ULK4: variants seen among roughly 807,000 people sequenced by gnomAD.
ULK4 encodes unc-51 like kinase 4, also known as inactive serine/threonine-protein kinase ULK4.
Under a neutral mutation model 160.6 loss-of-function variants are expected in ULK4, and 133 were observed. The observed-to-expected ratio is 0.83, with a 90% CI of 0.72 to 0.96. The LOEUF is 0.96. Among genes scored for constraint, ULK4 ranks in the 40% least tolerant of loss-of-function variants. The pLI is 0.00. For missense variants in ULK4, 1,580 were observed against 1,499.5 expected (o/e 1.05, Z -0.89); for synonymous variants, 534 against 539.8 (o/e 0.99, Z 0.15).
At chr3:41,341,775 AT>A (rs2080690941) in intron 35 of ULK4, among the ~76,000 whole-genome samples, 1 of 152,198 alleles carries the variant, frequency 6.6e-6, no homozygotes, top group African/African-American at 2.4e-5. Context: ...CGGAGACCCC[AT>A]TCCTACAGCT....
chr3:41,432,463 G>A (rs191198305), intron 34 of ULK4, among the ~76,000 whole-genome samples: 1 of 152,282 alleles, frequency 6.6e-6, no homozygotes, highest in East Asian at 1.9e-4. Flanking sequence ...AGGCTCTTCT[G>A]TGTAATCCTT....
At chr3:41,817,677 T>C (rs1417303206) in intron 19 of ULK4, among the ~76,000 whole-genome samples, 1 of 152,032 alleles carries the variant, frequency 6.6e-6, no homozygotes, top group African/African-American at 2.4e-5. Context: ...GATACTATGC[T>C]CACTACCTGG....
At chr3:41,500,359 A>G (rs893764626) in intron 32 of ULK4, among the ~76,000 whole-genome samples, 2 of 151,660 alleles carry the variant, frequency 1.3e-5, no homozygotes, top group African/African-American at 2.4e-5. Context: ...AAAACTATCA[A>G]TGTCAGGATC....
chr3:41,291,511 G>T (rs2079565783), intron 35 of ULK4, among the ~76,000 whole-genome samples: 1 of 151,384 alleles, frequency 6.6e-6, no homozygotes, highest in Non-Finnish European at 1.5e-5. Flanking sequence ...AGAAAGAAAG[G>T]AAAGAGGGAG....
chr3:41,374,689 T>C (rs9832122), intron 35 of ULK4, among the ~76,000 whole-genome samples: 1 of 152,012 alleles, frequency 6.6e-6, no homozygotes, highest in African/African-American at 2.4e-5. Context: ...TTACACTGTA[T>C]GGACAAAAGC....
intron 32 of ULK4, among the ~76,000 whole-genome samples, chr3:41,515,645 G>A (rs1197582500): frequency 6.6e-6 from 1 of 152,180 alleles, no homozygotes; most frequent in African/African-American, 2.4e-5. Context: ...GAGACGGAGT[G>A]CCAGTAGGGG....
chr3:41,898,084 C>A (rs114230430), intron 14 of ULK4, among the ~76,000 whole-genome samples: 366 of 152,210 alleles, frequency 2.4e-3, no homozygotes, highest in African/African-American at 7.9e-3. Flanking sequence ...ATTGTTGTCC[C>A]CAACCCTGTG....
At chr3:41,636,009 C>A (rs991738334) in intron 30 of ULK4, among the ~76,000 whole-genome samples, 1 of 152,118 alleles carries the variant, frequency 6.6e-6, no homozygotes, top group African/African-American at 2.4e-5. Context: ...TTTTGTACTC[C>A]TAGACATAGA....
chr3:41,316,441 G>A (rs903597038), intron 35 of ULK4, among the ~76,000 whole-genome samples: 1 of 152,136 alleles, frequency 6.6e-6, no homozygotes, highest in Non-Finnish European at 1.5e-5. Flanking sequence ...TAAAAATGGA[G>A]CACAAAATCA....
intron 30 of ULK4, among the ~76,000 whole-genome samples, chr3:41,634,793 C>G (rs2033884737): frequency 6.6e-6 from 1 of 152,194 alleles, no homozygotes; most frequent in Admixed American, 6.5e-5. Context: ...AACATAAAAT[C>G]ACAAGAACTC....
chr3:41,706,101 C>T (rs1431585487), intron 25 of ULK4, among the ~76,000 whole-genome samples: 1 of 151,978 alleles, frequency 6.6e-6, no homozygotes, highest in Non-Finnish European at 1.5e-5. Flanking sequence ...CGCTCCCATG[C>T]ACCATGCTAG....
At chr3:41,741,304 A>G (rs967718878) in intron 22 of ULK4, among the ~76,000 whole-genome samples, 2 of 151,984 alleles carry the variant, frequency 1.3e-5, no homozygotes, top group Non-Finnish European at 2.9e-5. Flanking sequence ...GTATACAAAT[A>G]CATGCAAATA....
intron 17 of ULK4, among the ~76,000 whole-genome samples, chr3:41,878,911 A>G (rs1207041866): frequency 1.1e-5 from 1 of 89,382 alleles, no homozygotes; most frequent in African/African-American, 2.7e-5. Context: ...CCATCCCCCC[A>G]AAAAAAAGTA....
At chr3:41,377,118 A>G (rs536537311) in intron 35 of ULK4, among the ~76,000 whole-genome samples, 1 of 152,072 alleles carries the variant, frequency 6.6e-6, no homozygotes, top group Non-Finnish European at 1.5e-5. Context: ...AAAACAAGAA[A>G]TTGGGAAAGG....
chr3:41,275,699 G>C (rs1399613772), intron 35 of ULK4, among the ~76,000 whole-genome samples: 1 of 152,230 alleles, frequency 6.6e-6, no homozygotes, highest in Non-Finnish European at 1.5e-5. Flanking sequence ...ATATCCATCA[G>C]ATGTCTGAAT....
intron 35 of ULK4, among the ~76,000 whole-genome samples, chr3:41,287,653 C>G (rs1403151413): frequency 6.6e-6 from 1 of 152,190 alleles, no homozygotes; most frequent in Non-Finnish European, 1.5e-5. Flanking sequence ...AGTTTGAGCA[C>G]TCTTCAAATA....
intron 24 of ULK4, 46 bp from the exon 25 acceptor site, chr3:41,715,339 C>A (rs764534767): frequency 1.9e-6 from 3 of 1,610,458 alleles, no homozygotes; most frequent in Non-Finnish European, 2.5e-6. Context: ...AAGCTATGTA[C>A]AACGTTAGCT....
At chr3:41,667,228 G>C (rs1394186910) in intron 29 of ULK4, among the ~76,000 whole-genome samples, 2 of 151,966 alleles carry the variant, frequency 1.3e-5, no homozygotes, top group Non-Finnish European at 2.9e-5. Context: ...AAAGTGTCTT[G>C]AGGTCGTTTG....
intron 30 of ULK4, among the ~76,000 whole-genome samples, chr3:41,644,932 G>A (rs1410160018): frequency 2.0e-5 from 3 of 152,234 alleles, no homozygotes; most frequent in Non-Finnish European, 4.4e-5. Flanking sequence ...GAGGGTGTAT[G>A]TGTCGAGGAA....
Sources: allele counts gnomAD v4.1 joint callset (sites outside exome capture counted in the v4.1 genomes callset), GRCh38; gene constraint gnomAD v4.1.1; transcripts MANE v1.5; gene names NCBI Gene and HGNC (gene_info 2026-07-23, HGNC 2026-07-21).